GSE1: variants seen among roughly 807,000 people sequenced by gnomAD.
GSE1 encodes the protein Gse1 coiled-coil protein.
A neutral mutation model predicts 112.6 loss-of-function variants in GSE1; 32 were observed. That is an observed-to-expected ratio of 0.28 (90% CI 0.21 to 0.38). The LOEUF is 0.38. Among genes scored for constraint, GSE1 ranks in the 10% least tolerant of loss-of-function variants. The pLI, the probability that GSE1 is intolerant of heterozygous loss-of-function variation, is 1.00. For missense variants in GSE1, 2,348 were observed against 1,699.2 expected, an observed-to-expected ratio of 1.38 and a Z score of -6.71; for synonymous variants, 1,115 against 735.6, an observed-to-expected ratio of 1.52 and a Z score of -8.35.
intron 1 of GSE1, among the ~76,000 whole-genome samples, chr16:85,206,080 G>A (rs1438283331): frequency 3.9e-5 from 6 of 152,130 alleles, no homozygotes; most frequent in African/African-American, 1.4e-4. Flanking sequence ...GTAGGGAACT[G>A]ACTTCCCTGG....
intron 1 of GSE1, among the ~76,000 whole-genome samples, chr16:85,242,589 G>A (rs1020166742): frequency 1.3e-5 from 2 of 152,240 alleles, no homozygotes; most frequent in African/African-American, 2.4e-5. Flanking sequence ...CAGGACAGCC[G>A]TGCCTGCTGG....
rs2049874289 is a variant in GSE1, at chr16:85,457,920, G to A, written c.2464+100277G>A. ...ACACTGCCTCATTCGATCCTGAGAT[G>A]TGGTAGCATTGGTGGTGTGTAATTT... is the stretch of plus-strand genomic sequence containing the variant. On this transcript the variant is annotated intron_variant, in intron 2 of 2. Transcript: ENST00000637419. Among the ~76,000 whole-genome samples, 6 of 152,354 alleles carry A rather than the reference G, an allele frequency of 3.9e-5. No individual in the cohort carries two copies. The South Asian group carries it at 1.2e-3, about 32-fold the overall frequency.
At chr16:85,268,289 G>A (rs1030121440) in intron 1 of GSE1, among the ~76,000 whole-genome samples, 2 of 151,944 alleles carry the variant, frequency 1.3e-5, no homozygotes, top group Admixed American at 6.6e-5. Flanking sequence ...ACACAGCATC[G>A]CACAGCTGTA....
chr16:85,663,089 C>T lies in GSE1; in HGVS notation c.2369C>T (p.Ser790Phe), dbSNP rs141120441. Residue 790 changes from serine (S) to phenylalanine (F), a missense_variant, in exon 10 of 16, where the codon TCT becomes TTT. Transcript: ENST00000253458. The stretch of plus-strand genomic sequence containing the variant: ...CCGCCCCTCAAACTGGACACGTCCT[C>T]TGAGGTACTGGGCTCTCCTCCCCAC... ...EQPPLKLDTS[S>F]EKLEFLQLFG... is the part of the protein sequence containing the mutation. 1.3e-6 allele frequency: 2 copies of T among 1,599,902 alleles called. No homozygotes were observed. The highest frequency in any genetic ancestry group is 1.3e-5 in the African/African-American group (1 of 74,664).
intron 1 of GSE1, among the ~76,000 whole-genome samples, chr16:85,192,892 A>G (rs1467787668): frequency 6.6e-6 from 1 of 152,184 alleles, no homozygotes; most frequent in African/African-American, 2.4e-5. Flanking sequence ...ATTTGTGTAA[A>G]TGCCCTCGCA....
intron 1 of GSE1, among the ~76,000 whole-genome samples, chr16:85,331,698 TATATATATA>T (rs1404759001): frequency 1.1e-5 from 1 of 90,482 alleles, no homozygotes; most frequent in African/African-American, 4.2e-5. Flanking sequence ...TATATATATA[TATATATATA>T]TTTTTTTTTT....
chr16:85,517,795 C>CCGGA (rs2052002421), intron 2 of GSE1, among the ~76,000 whole-genome samples: 1 of 152,262 alleles, frequency 6.6e-6, no homozygotes, highest in Non-Finnish European at 1.5e-5. Flanking sequence ...GAGCCAGTGT[C>CCGGA]CGCCTCATGG....
intron 1 of GSE1, among the ~76,000 whole-genome samples, chr16:85,309,269 A>G (rs1201018942): frequency 1.3e-5 from 2 of 152,130 alleles, no homozygotes; most frequent in African/African-American, 4.8e-5. Context: ...GAGGCCAACT[A>G]GAGGATCGCT....
At chr16:85,274,430 G>C (rs77201771) in intron 1 of GSE1, among the ~76,000 whole-genome samples, 3,079 of 152,222 alleles carry the variant, frequency 0.02, 103 homozygotes, top group African/African-American at 0.069. Flanking sequence ...AAGAGGGAAA[G>C]AGTGTATTGA....
intron 1 of GSE1, among the ~76,000 whole-genome samples, chr16:85,211,996 G>T (rs1359904781): frequency 6.6e-6 from 1 of 152,246 alleles, no homozygotes. Flanking sequence ...CTGACTGGGG[G>T]AGGACTCCTG....
At chr16:85,344,393 C>T (rs1001132953) in intron 1 of GSE1, among the ~76,000 whole-genome samples, 2 of 152,244 alleles carry the variant, frequency 1.3e-5, no homozygotes, top group Admixed American at 1.3e-4. Flanking sequence ...CCCGGGGAGC[C>T]TCCTTGGCTG....
intron 2 of GSE1, among the ~76,000 whole-genome samples, chr16:85,640,143 G>C (rs1287851642): frequency 5.3e-5 from 8 of 152,170 alleles, no homozygotes; most frequent in African/African-American, 1.9e-4. Flanking sequence ...ACCACCCATG[G>C]TGCAGGGAGC....
intron 2 of GSE1, among the ~76,000 whole-genome samples, chr16:85,502,664 T>C (rs1040958002): frequency 6.6e-6 from 1 of 152,166 alleles, no homozygotes; most frequent in African/African-American, 2.4e-5. Flanking sequence ...GAAGGAACCC[T>C]ACAGGGTCAG....
chr16:85,555,022 G>C (rs1020986309), upstream of GSE1: 32 of 985,256 alleles, frequency 3.2e-5, no homozygotes, highest in Non-Finnish European at 3.6e-5. Flanking sequence ...GCGGCCGCGC[G>C]GGGGGAAGCT....
At chr16:85,671,658 C>G (rs2053351274) in intron 15 of GSE1, among the ~76,000 whole-genome samples, 1 of 152,090 alleles carries the variant, frequency 6.6e-6, no homozygotes, top group Non-Finnish European at 1.5e-5. Context: ...CTAGGATTTA[C>G]TTATAGAATA....
chr16:85,189,227 C>A (rs544689136), intron 1 of GSE1, among the ~76,000 whole-genome samples: 86 of 152,356 alleles, frequency 5.6e-4, no homozygotes, highest in Non-Finnish European at 1.1e-3. Context: ...AGACACTTAT[C>A]TGTATGTAGC....
chr16:85,303,184 G>T (rs1274039925), intron 1 of GSE1, among the ~76,000 whole-genome samples: 1 of 152,260 alleles, frequency 6.6e-6, no homozygotes, highest in Non-Finnish European at 1.5e-5. Flanking sequence ...ATTGAGGACA[G>T]GTGGCCAAGC....
chr16:85,254,146 C>T (rs986131645), intron 1 of GSE1, among the ~76,000 whole-genome samples: 4 of 152,202 alleles, frequency 2.6e-5, no homozygotes, highest in African/African-American at 4.8e-5. Context: ...CTCTCGGGAT[C>T]GCCCCCAAGG....
intron 1 of GSE1, among the ~76,000 whole-genome samples, chr16:85,188,207 A>G (rs762822248): frequency 2.6e-5 from 4 of 152,108 alleles, no homozygotes; most frequent in Non-Finnish European, 5.9e-5. Context: ...GCATTCAGAC[A>G]CGTGGTCCTT....
Sources: allele counts gnomAD v4.1 joint callset (sites outside exome capture counted in the v4.1 genomes callset), GRCh38; gene constraint gnomAD v4.1.1; transcripts MANE v1.5; gene names NCBI Gene and HGNC (gene_info 2026-07-23, HGNC 2026-07-21).